Variants in KAT6B observed in about 807,000 individuals in gnomAD.
KAT6B encodes lysine acetyltransferase 6B.
Under a neutral mutation model 187.5 loss-of-function variants are expected in KAT6B, and 10 were observed. That is an observed-to-expected ratio of 0.05 (90% CI 0.03 to 0.09). The LOEUF is 0.09. Ranked by LOEUF, KAT6B falls within the 10% of genes least tolerant of loss-of-function variation. KAT6B has a pLI of 1.00. For missense variants in KAT6B, 1,952 were observed against 2,558.9 expected, an observed-to-expected ratio of 0.76 and a Z score of 5.12; for synonymous variants, 861 against 926.8, an observed-to-expected ratio of 0.93 and a Z score of 1.29.
chr10:74,968,754 A>G (rs948164337), intron 4 of KAT6B, among the ~76,000 whole-genome samples: 3 of 152,184 alleles, frequency 2.0e-5, no homozygotes, highest in African/African-American at 7.2e-5. Context: ...TTTATGTGAT[A>G]AAAGACCATT....
In KAT6B at chr10:75,029,591, C is replaced by T. The variant is rs1432208009; in HGVS notation, c.4767C>T (p.Asp1589=). Residue 1589 remains aspartate (D), a synonymous_variant, in exon 18 of 18, where the codon GAC becomes GAT. Coordinates refer to ENST00000287239, the MANE Select transcript of KAT6B (RefSeq NM_012330.4). This position sits in a 1 kb window ranked among gnomAD's most constrained non-coding sequence, Gnocchi z 6.2. ...GTCCACAGATTGCCACCACGCTCGACGATTGCCAACAGTCGGACCACAGTA... is the reference window on the plus strand; with the variant it reads ...GTCCACAGATTGCCACCACGCTCGATGATTGCCAACAGTCGGACCACAGTA... ...DQSPQIATTL[D]DCQQSDHSSP... 2.5e-6 allele frequency: 4 copies of T among 1,614,170 alleles called. No individual in the cohort carries two copies. Among genetic ancestry groups the T allele is most frequent in the Admixed American group, 1.7e-5 (1 of 60,026 alleles).
At chr10:74,871,171 C>T (rs1843922288) in intron 3 of KAT6B, among the ~76,000 whole-genome samples, 1 of 145,048 alleles carries the variant, frequency 6.9e-6, no homozygotes, top group Non-Finnish European at 1.5e-5. Flanking sequence ...CAGGTGTGAG[C>T]CACCAAGCCT....
chr10:74,999,268 T>C (rs1162278319), intron 13 of KAT6B, among the ~76,000 whole-genome samples: 1 of 152,194 alleles, frequency 6.6e-6, no homozygotes, highest in Non-Finnish European at 1.5e-5. Flanking sequence ...CTTGGAGAGA[T>C]AGTGAGCGCA....
At chr10:75,014,468 T>A (rs1014903036) in intron 13 of KAT6B, among the ~76,000 whole-genome samples, 3 of 151,608 alleles carry the variant, frequency 2.0e-5, no homozygotes, top group African/African-American at 7.3e-5. Flanking sequence ...GGATTTTTTT[T>A]AATTTAAAAA....
intron 13 of KAT6B, among the ~76,000 whole-genome samples, chr10:74,997,772 G>GT (rs1843536462): frequency 6.6e-6 from 1 of 151,850 alleles, no homozygotes; most frequent in South Asian, 2.1e-4. Context: ...TTGACAGTGT[G>GT]TATCAAAAAC....
intron 13 of KAT6B, among the ~76,000 whole-genome samples, chr10:75,002,309 A>G (rs892981865): frequency 6.6e-6 from 1 of 151,948 alleles, no homozygotes; most frequent in Non-Finnish European, 1.5e-5. Context: ...TGGAGGGACC[A>G]TGACAGCATC....
intron 13 of KAT6B, among the ~76,000 whole-genome samples, chr10:74,995,171 G>T (rs1234911163): frequency 6.6e-6 from 1 of 152,010 alleles, no homozygotes; most frequent in Non-Finnish European, 1.5e-5. Flanking sequence ...TCATGCCATT[G>T]TGAAAAACAA....
rs549753449 is a variant in KAT6B at position 74,899,555 on chromosome 10, A to G, written c.621+56077A>G. ...CTGTCAAAGTGCTGGGATTACAGGCATGAGCCACCGCGCCCGACCTCTAAA... is the reference window on the plus strand; with the variant it reads ...CTGTCAAAGTGCTGGGATTACAGGCGTGAGCCACCGCGCCCGACCTCTAAA... On this transcript the variant is annotated intron_variant, in intron 3 of 17. Coordinates refer to ENST00000287239, the MANE Select transcript of KAT6B (RefSeq NM_012330.4). Among the ~76,000 whole-genome samples the G allele has an allele frequency of 7.2e-5, 11 of 152,270 alleles. No individual in the cohort carries two copies. In the East Asian group the frequency reaches 1.4e-3, roughly 19 times the overall value.
At chr10:74,923,924 ACAAG>A (rs1234468486) in intron 3 of KAT6B, among the ~76,000 whole-genome samples, 1 of 152,214 alleles carries the variant, frequency 6.6e-6, no homozygotes, top group Non-Finnish European at 1.5e-5. Context: ...TTGCCACAAA[ACAAG>A]CAAGAGATAT....
At chr10:74,957,254 T>G (rs1022770644) in intron 3 of KAT6B, among the ~76,000 whole-genome samples, 1 of 152,244 alleles carries the variant, frequency 6.6e-6, no homozygotes, top group Non-Finnish European at 1.5e-5. Flanking sequence ...TAGCAAAAAG[T>G]GCTTTGAATT....
At chr10:74,877,858 G>A (rs1431082115) in intron 3 of KAT6B, among the ~76,000 whole-genome samples, 1 of 151,404 alleles carries the variant, frequency 6.6e-6, no homozygotes, top group African/African-American at 2.4e-5. Flanking sequence ...TCATCAAAGA[G>A]TAATAACATT....
intron 3 of KAT6B, among the ~76,000 whole-genome samples, chr10:74,907,199 C>T (rs1846832867): frequency 6.6e-6 from 1 of 152,200 alleles, no homozygotes; most frequent in Admixed American, 6.5e-5. Context: ...GTTGTCTGCT[C>T]TCACTACAAA....
At position 74,985,262 on chromosome 10, in the gene KAT6B, A is replaced by C. The variant is rs1727550397; in HGVS notation, c.2535+21A>C. On this transcript the variant is annotated intron_variant, in intron 12 of 17. Coordinates refer to ENST00000287239, the MANE Select transcript of KAT6B (RefSeq NM_012330.4). ...CTAAGGTAAAACAAGAGCCAGCATG[A>C]CCTTCATTTTCTTTTTCAAAATGTT... The C allele has an allele frequency of 1.9e-6, 3 of 1,612,914 alleles. No individual in the cohort carries two copies. The African/African-American group carries it at 4.0e-5, about 22-fold the overall frequency.
intron 16 of KAT6B, among the ~76,000 whole-genome samples, chr10:75,023,273 A>C (rs890634365): frequency 6.6e-6 from 1 of 152,248 alleles, no homozygotes; most frequent in African/African-American, 2.4e-5. Flanking sequence ...CCCCAAGGCC[A>C]TCTGATGTGG....
rs1242703722 is a variant in KAT6B at position 75,032,463 on chromosome 10, A to G, written c.*1417A>G. The G allele has an allele frequency of 5.4e-6, 1 of 185,888 alleles. No homozygotes were observed. The highest frequency in any genetic ancestry group is 1.1e-5 in the Non-Finnish European group (1 of 87,818). 11.5% of individuals were successfully genotyped at this position (185,888 alleles called of 1,614,324 possible). A position where few individuals can be genotyped will look rare whatever the true frequency, so the allele number is the denominator to read the frequency against. Reference sequence around the variant, plus strand: ...ACTTTGGGGGAGGGGTTGGCAATAAATAAGAGTAATATCTAATAAAACCAT... The same window carrying G: ...ACTTTGGGGGAGGGGTTGGCAATAAGTAAGAGTAATATCTAATAAAACCAT... On this transcript the variant is annotated 3_prime_UTR_variant, in exon 18 of 18. Coordinates refer to ENST00000287239, the MANE Select transcript of KAT6B (RefSeq NM_012330.4).
In KAT6B at chr10:74,942,765, C is replaced by CAAAAAAAAAAAAA. The variant is rs56276008; in HGVS notation, c.622-17190_622-17178dup. 3.2e-4 allele frequency among the ~76,000 whole-genome samples: 3 copies of CAAAAAAAAAAAAA among 9,356 alleles called. 1 individual carries two copies. The highest frequency in any genetic ancestry group is 4.9e-4 in the African/African-American group (2 of 4,092). 6.1% of individuals were successfully genotyped at this position (9,356 alleles called of 152,430 possible). The stretch of plus-strand genomic sequence containing the variant: ...AGGCAACAAGAGCGAAACTCCATCG[C>CAAAAAAAAAAAAA]AAAAAAAAAAAAAAAAAAAAAAAAA... On this transcript the variant is annotated intron_variant, in intron 3 of 17. Transcript: ENST00000287239.
chr10:74,974,414 T>A (rs999936258), intron 7 of KAT6B, among the ~76,000 whole-genome samples: 2 of 152,246 alleles, frequency 1.3e-5, no homozygotes, highest in Non-Finnish European at 2.9e-5. Context: ...CACCTTTAGC[T>A]AAATTGATCA....
chr10:75,024,201 G>A (rs934905432), intron 16 of KAT6B: 17 of 151,170 alleles, frequency 1.1e-4, no homozygotes, highest in African/African-American at 3.2e-4. Flanking sequence ...TCAGGGGTTC[G>A]AGACCAGCCT....
intron 3 of KAT6B, among the ~76,000 whole-genome samples, chr10:74,946,518 G>A (rs768578458): frequency 6.6e-6 from 1 of 152,066 alleles, no homozygotes; most frequent in African/African-American, 2.4e-5. Context: ...ATAAAATTTT[G>A]TATATTTACA....
Sources: gnomAD v4.1 joint callset for allele counts (sites outside exome capture counted in the v4.1 genomes callset) on GRCh38, gnomAD v4.1.1 for gene constraint, Gnocchi (gnomAD v3.1) non-coding constraint, MANE v1.5 for transcripts, NCBI Gene and HGNC (gene_info 2026-07-23, HGNC 2026-07-21) for gene names.